The following CSGALNACT1 variants were observed in gnomAD, a reference collection of about 807,000 sequenced individuals.
The protein encoded by CSGALNACT1 is beta4GalNAcT-1.
In CSGALNACT1, 52 loss-of-function variants were observed where a neutral mutation model predicts 51.0. The ratio of observed to expected loss-of-function variants is 1.02; its 90% CI spans 0.82 to 1.29. The LOEUF is 1.29. Ranked by LOEUF, CSGALNACT1 falls within the 50% of genes most tolerant of loss-of-function variation. The pLI is 0.00. For synonymous variants in CSGALNACT1, 341 were observed against 254.4 expected (o/e 1.34, Z -3.24); for missense variants, 935 against 679.2 (o/e 1.38, Z -4.19).
intron 1 of CSGALNACT1, among the ~76,000 whole-genome samples, chr8:19,635,544 C>A (rs114071036): frequency 2.6e-5 from 4 of 152,148 alleles, no homozygotes; most frequent in Non-Finnish European, 5.9e-5. Flanking sequence ...TTGTTGCCTC[C>A]CCCTTGTCTG....
At chr8:19,488,372 TATATATATATATA>T (rs1292991266) in intron 4 of CSGALNACT1, among the ~76,000 whole-genome samples, 1 of 496 alleles carries the variant, frequency 2.0e-3, no homozygotes, top group Non-Finnish European at 3.4e-3. Context: ...TATATATACA[TATATATATATATA>T]TATATATATA....
rs1588199914 is a variant in CSGALNACT1 at position 19,551,114 on chromosome 8, T to C, written c.-297+40046A>G. Reference sequence around the variant, plus strand: ...ATTAACCAGCAAAATTTCAAGAGTTTGTTTTGCAGAACAATGAAGAAAAAA... The same window carrying C: ...ATTAACCAGCAAAATTTCAAGAGTTCGTTTTGCAGAACAATGAAGAAAAAA... On this transcript the variant is annotated intron_variant, in intron 3 of 9. Coordinates refer to ENST00000454498, the Ensembl canonical transcript of CSGALNACT1. Among the ~76,000 whole-genome samples, 3 of 152,226 alleles carry C rather than the reference T, an allele frequency of 2.0e-5. No individual in the cohort carries two copies. In the East Asian group the frequency reaches 5.8e-4, roughly 29 times the overall value.
At chr8:19,467,869 C>G (rs962074183) in intron 4 of CSGALNACT1, among the ~76,000 whole-genome samples, 1 of 152,050 alleles carries the variant, frequency 6.6e-6, no homozygotes, top group Non-Finnish European at 1.5e-5. Context: ...CCCTGTAGTC[C>G]CAGATAGTCA....
chr8:19,693,877 C>G (rs1453857809), intron 1 of CSGALNACT1, among the ~76,000 whole-genome samples: 1 of 152,156 alleles, frequency 6.6e-6, no homozygotes, highest in Non-Finnish European at 1.5e-5. Flanking sequence ...TAAGTTAACA[C>G]ACACTCTGAG....
intron 1 of CSGALNACT1, among the ~76,000 whole-genome samples, chr8:19,662,074 ACCCCCCC>A (rs1159242984): frequency 2.9e-4 from 10 of 35,042 alleles, no homozygotes; most frequent in Non-Finnish European, 4.9e-4. Context: ...ACCCCCCCCC[ACCCCCCC>A]CCCCCCCCGC....
At chr8:19,545,100 C>T (rs1232700594) in intron 3 of CSGALNACT1, among the ~76,000 whole-genome samples, 1 of 152,086 alleles carries the variant, frequency 6.6e-6, no homozygotes, top group Non-Finnish European at 1.5e-5. Context: ...TGAAGTCACT[C>T]CATGTCACCC....
At chr8:19,508,896 C>G (rs2077896307) in intron 3 of CSGALNACT1, among the ~76,000 whole-genome samples, 1 of 151,932 alleles carries the variant, frequency 6.6e-6, no homozygotes, top group African/African-American at 2.4e-5. Flanking sequence ...TTGTTCTGTT[C>G]TATAATTTTC....
intron 3 of CSGALNACT1, among the ~76,000 whole-genome samples, chr8:19,580,566 T>C (rs868093383): frequency 3.9e-5 from 6 of 152,148 alleles, no homozygotes; most frequent in African/African-American, 1.4e-4. Context: ...AGAAAAGAAA[T>C]AGATCTTCCT....
rs542818957 is a variant in CSGALNACT1 at position 19,497,969 on chromosome 8, G to A, written c.634+7232C>T. Among the ~76,000 whole-genome samples, 10 of 152,196 alleles carry A rather than the reference G, an allele frequency of 6.6e-5. No homozygotes were observed. The East Asian group carries it at 9.7e-4, about 15-fold the overall frequency. On this transcript the variant is annotated intron_variant, in intron 4 of 9. Transcript: ENST00000454498. ...TTGAGTTGTCCTGTCTTTCCAGACC[G>A]AACCAATGTTCATCCTACATATGTT... is the stretch of plus-strand genomic sequence containing the variant.
intron 1 of CSGALNACT1, among the ~76,000 whole-genome samples, chr8:19,707,366 C>G (rs1312567643): frequency 6.6e-6 from 1 of 152,170 alleles, no homozygotes; most frequent in African/African-American, 2.4e-5. Flanking sequence ...AACCTCTTTA[C>G]TAGTTATTTC....
At chr8:19,450,449 G>C (rs1304544490) in intron 5 of CSGALNACT1, among the ~76,000 whole-genome samples, 3 of 152,118 alleles carry the variant, frequency 2.0e-5, no homozygotes. Flanking sequence ...ACCAGCCACA[G>C]GTAGAGACTG....
chr8:19,506,105 A>T (rs2077278847), exon 4 of CSGALNACT1: 4 of 631,952 alleles, frequency 6.3e-6, no homozygotes, highest in Admixed American at 2.1e-5. Context: ...AGCCTTCCTG[A>T]TGTGCAGCCA....
chr8:19,630,212 G>C (rs1042643357), intron 1 of CSGALNACT1, among the ~76,000 whole-genome samples: 131 of 143,112 alleles, frequency 9.2e-4, no homozygotes, highest in African/African-American at 3.2e-3. Flanking sequence ...GTGTGTGTGT[G>C]TGTGTGTGTG....
At chr8:19,406,051 A>C (rs1246328429) in exon 10 of CSGALNACT1, 1 of 1,614,136 alleles carries the variant, frequency 6.2e-7, no homozygotes, top group Admixed American at 1.7e-5. Context: ...CCAGCCTTTG[A>C]TGTCCAGATC....
intron 1 of CSGALNACT1, among the ~76,000 whole-genome samples, chr8:19,669,555 G>A (rs1180750973): frequency 3.9e-5 from 6 of 152,166 alleles, no homozygotes; most frequent in Admixed American, 1.3e-4. Context: ...AGGTTCAAGC[G>A]ATTCTCCTCC....
intron 1 of CSGALNACT1, among the ~76,000 whole-genome samples, chr8:19,754,808 T>C (rs2065253827): frequency 6.6e-6 from 1 of 152,236 alleles, no homozygotes; most frequent in African/African-American, 2.4e-5. Context: ...TACACTATGC[T>C]GAAGAGGTCC....
At chr8:19,458,849 A>G (rs1335465190) in intron 4 of CSGALNACT1, among the ~76,000 whole-genome samples, 1 of 152,188 alleles carries the variant, frequency 6.6e-6, no homozygotes, top group Non-Finnish European at 1.5e-5. Context: ...AGTTATGAAG[A>G]CTGCATAAAA....
At chr8:19,540,629 C>T (rs1293257413) in intron 3 of CSGALNACT1, among the ~76,000 whole-genome samples, 1 of 152,182 alleles carries the variant, frequency 6.6e-6, no homozygotes, top group African/African-American at 2.4e-5. Context: ...GTGATCTGAT[C>T]TCTACTTCCT....
At chr8:19,486,026 G>A (rs1020296853) in intron 4 of CSGALNACT1, among the ~76,000 whole-genome samples, 11 of 151,166 alleles carry the variant, frequency 7.3e-5, no homozygotes, top group African/African-American at 1.5e-4. Flanking sequence ...TTGGCCTCCC[G>A]AAGTGCTGGG....
Sources: gnomAD v4.1 joint callset for allele counts (sites outside exome capture counted in the v4.1 genomes callset) on GRCh38, gnomAD v4.1.1 for gene constraint, MANE v1.5 for transcripts, NCBI Gene and HGNC (gene_info 2026-07-23, HGNC 2026-07-21) for gene names.